The following KCNIP1 variants were observed in gnomAD, a reference collection of about 807,000 sequenced individuals.
KCNIP1 encodes the protein A-type potassium channel modulatory protein KCNIP1.
Under a neutral mutation model 33.0 loss-of-function variants are expected in KCNIP1, and 18 were observed. The observed-to-expected ratio is 0.55, with a 90% confidence interval of 0.38 to 0.81. The LOEUF (loss-of-function observed/expected upper bound fraction) is 0.81. KCNIP1 is among the 30% of genes least tolerant of loss of function. The pLI, the probability that KCNIP1 is intolerant of heterozygous loss-of-function variation, is 0.00. For missense variants in KCNIP1, 238 were observed against 271.6 expected, an observed-to-expected ratio of 0.88 and a Z score of 0.87; for synonymous variants, 93 against 98.3, an observed-to-expected ratio of 0.95 and a Z score of 0.32.
chr5:170,692,795 G>A (rs961827334), intron 1 of KCNIP1, among the ~76,000 whole-genome samples: 6 of 152,102 alleles, frequency 3.9e-5, no homozygotes, highest in Admixed American at 3.9e-4. Flanking sequence ...TTATATGTTG[G>A]TTAAACAAAT....
At chr5:170,396,186 A>G (rs1388982670) in intron 1 of KCNIP1, among the ~76,000 whole-genome samples, 3 of 152,248 alleles carry the variant, frequency 2.0e-5, no homozygotes, top group Non-Finnish European at 4.4e-5. Context: ...AGGAAACCAC[A>G]GGGAACAGTG....
chr5:170,667,726 A>G (rs1761759427), intron 1 of KCNIP1, among the ~76,000 whole-genome samples: 1 of 152,258 alleles, frequency 6.6e-6, no homozygotes, highest in Non-Finnish European at 1.5e-5. Context: ...AAGGATAACA[A>G]TATTGACTAT....
intron 1 of KCNIP1, among the ~76,000 whole-genome samples, chr5:170,361,696 G>T (rs1763516354): frequency 6.6e-6 from 1 of 152,220 alleles, no homozygotes; most frequent in Non-Finnish European, 1.5e-5. Flanking sequence ...CAGGATGCTA[G>T]CACTGTGGAC....
chr5:170,723,718 T>C (rs571121013), intron 5 of KCNIP1, among the ~76,000 whole-genome samples: 10 of 152,154 alleles, frequency 6.6e-5, no homozygotes, highest in African/African-American at 2.2e-4. Flanking sequence ...TGGAGCAGCA[T>C]AGAGAGATGG....
chr5:170,718,405 T>C (rs554214114), intron 1 of KCNIP1, among the ~76,000 whole-genome samples: 2 of 152,370 alleles, frequency 1.3e-5, no homozygotes, highest in Admixed American at 6.5e-5. Flanking sequence ...TACTTGCCTG[T>C]GTCTCTGGAA....
intron 1 of KCNIP1, among the ~76,000 whole-genome samples, chr5:170,696,630 A>G (rs2221440): frequency 0.68 from 103,198 of 151,964 alleles, 35,891 homozygotes; most frequent in East Asian, 0.94. Flanking sequence ...CCCCTTGGAG[A>G]TATGTGAGGC....
upstream of KCNIP1, chr5:170,503,908 G>A (rs954466640): frequency 8.8e-5 from 37 of 422,268 alleles, no homozygotes; most frequent in Non-Finnish European, 1.1e-4. Flanking sequence ...GTGCGCAGGG[G>A]TGAGGGCGCA....
At chr5:170,441,739 C>G (rs1049032073) in intron 1 of KCNIP1, among the ~76,000 whole-genome samples, 3 of 151,972 alleles carry the variant, frequency 2.0e-5, no homozygotes, top group African/African-American at 7.2e-5. Flanking sequence ...GTCACGAGGT[C>G]AGAAGATGGA....
chr5:170,581,762 A>G (rs746594095), intron 1 of KCNIP1, among the ~76,000 whole-genome samples: 2 of 152,244 alleles, frequency 1.3e-5, no homozygotes, highest in Non-Finnish European at 2.9e-5. Flanking sequence ...TTGTGTTCCT[A>G]CAAAGGAGAA....
intron 1 of KCNIP1, among the ~76,000 whole-genome samples, chr5:170,366,843 C>T (rs1189489689): frequency 6.6e-6 from 1 of 152,208 alleles, no homozygotes; most frequent in Non-Finnish European, 1.5e-5. Flanking sequence ...AGACTAAGCC[C>T]AAGCAAGACC....
At chr5:170,374,944 A>G (rs1381128814) in intron 1 of KCNIP1, 1 of 152,146 alleles carries the variant, frequency 6.6e-6, no homozygotes, top group African/African-American at 2.4e-5. Context: ...GCATCCTCAC[A>G]TACTAATTTT....
Position 170,504,606 on chromosome 5 carries a change from C to T in KCNIP1, c.34C>T (p.Gln12Ter). ...GAVMGTFSSL[Q>*]TKQRRPSKDK... ...CGTCATGGGCACCTTCTCATCTCTG[C>T]AAACCAAACAAAGGCGACCCTCGAA... is the stretch of plus-strand genomic sequence containing the variant. Residue 12 changes from glutamine to a stop codon, truncating the protein, a stop_gained, in exon 1 of 8, where the codon CAA becomes TAA. Coordinates refer to ENST00000328939, the MANE Select transcript of KCNIP1 (RefSeq NM_014592.4). LOFTEE classifies it high-confidence loss of function. The surrounding 1 kb of genome is among the most constrained non-coding windows in gnomAD (Gnocchi z 6.0). 6.2e-7 allele frequency: 1 copy of T among 1,613,864 alleles called. No homozygotes were observed. The highest frequency in any genetic ancestry group is 8.5e-7 in the Non-Finnish European group (1 of 1,179,970).
chr5:170,727,283 T>C (rs1031946740), intron 5 of KCNIP1, among the ~76,000 whole-genome samples: 3 of 152,248 alleles, frequency 2.0e-5, no homozygotes, highest in Non-Finnish European at 4.4e-5. Context: ...ATTAGATCTG[T>C]GGTTGCCTGG....
At chr5:170,379,700 A>T (rs918616444) in intron 1 of KCNIP1, among the ~76,000 whole-genome samples, 10 of 152,126 alleles carry the variant, frequency 6.6e-5, no homozygotes, top group African/African-American at 1.9e-4. Context: ...TGTAATCCTA[A>T]CACTTTGGGA....
At chr5:170,490,166 ACT>A (rs898318278) in intron 1 of KCNIP1, among the ~76,000 whole-genome samples, 101 of 152,140 alleles carry the variant, frequency 6.6e-4, no homozygotes, top group African/African-American at 2.2e-3. Context: ...AGTTGTTTAA[ACT>A]CTCTGTTCAT....
intron 1 of KCNIP1, among the ~76,000 whole-genome samples, chr5:170,648,352 A>G (rs1166381138): frequency 6.6e-6 from 1 of 152,234 alleles, no homozygotes; most frequent in Admixed American, 6.5e-5. Flanking sequence ...AGCTTTATTC[A>G]TAATTGACAA....
At chr5:170,399,030 CAGG>C (rs1356649504) in intron 1 of KCNIP1, among the ~76,000 whole-genome samples, 15 of 152,124 alleles carry the variant, frequency 9.9e-5, no homozygotes. Context: ...GCATCCTCAG[CAGG>C]AGGAGGAGCA....
chr5:170,451,723 T>TGTGTGTGTGTATG (rs1756255311), intron 1 of KCNIP1, among the ~76,000 whole-genome samples: 1 of 122,902 alleles, frequency 8.1e-6, no homozygotes, highest in African/African-American at 3.2e-5. Context: ...TTCTCCTGCA[T>TGTGTGTGTGTATG]TGTGTGTGTG....
chr5:170,712,960 G>A (rs1284343559), intron 1 of KCNIP1: 12 of 1,232,608 alleles, frequency 9.7e-6, no homozygotes, highest in African/African-American at 5.9e-5. Context: ...TCAAGCTCAT[G>A]TTTTGTAATT....
Sources: allele counts gnomAD v4.1 joint callset (sites outside exome capture counted in the v4.1 genomes callset), GRCh38; gene constraint gnomAD v4.1.1; non-coding constraint Gnocchi (gnomAD v3.1); transcripts MANE v1.5; gene names NCBI Gene and HGNC (gene_info 2026-07-23, HGNC 2026-07-21).